Variants in RYR2 observed in about 807,000 individuals in gnomAD.
The protein encoded by RYR2 is cardiac muscle ryanodine receptor-calcium release channel.
RYR2 carries 227 observed loss-of-function variants against 601.1 expected under a neutral mutation model. That is an observed-to-expected ratio of 0.38 (90% confidence interval 0.34 to 0.42). The LOEUF is 0.42. Ranked by LOEUF, RYR2 falls within the 10% of genes least tolerant of loss-of-function variation. RYR2 has a pLI of 1.00. For missense variants in RYR2, 4,646 were observed against 6,156.5 expected (o/e 0.75, Z 8.21); for synonymous variants, 2,223 against 2,175.1 (o/e 1.02, Z -0.61).
chr1:237,652,796 A>C (rs1682894642), intron 51 of RYR2, among the ~76,000 whole-genome samples: 1 of 152,180 alleles, frequency 6.6e-6, no homozygotes, highest in Admixed American at 6.6e-5. Flanking sequence ...CTTTTACATT[A>C]GAGATATGTC....
chr1:237,392,907 A>T lies in RYR2; in HGVS notation c.773+4724A>T, dbSNP rs114752131. Among the ~76,000 whole-genome samples the T allele has an allele frequency of 6.5e-3, 983 of 152,344 alleles. 8 individuals carry two copies. Among genetic ancestry groups the T allele is most frequent in the Middle Eastern group, 0.044 (13 of 294 alleles). ...CTATGATTTTCTGGGTGCTGGGGCT[A>T]TAGTAGTATACACAAAGTTACAAAG... On this transcript the variant is annotated intron_variant, in intron 10 of 104. Transcript: ENST00000366574.
Position 237,639,062 on chromosome 1 carries a change from C to G in RYR2, c.6976C>G (p.Arg2326Gly). ...AAATGTCGTGGTGAGATTGCTCATT[C>G]GGAGGCCTGAGTGTTTTGGTCCTGC... ...NANVVVRLLI[R>G]RPECFGPALR... is the part of the protein sequence containing the mutation. Residue 2326 changes from arginine to glycine, a missense_variant, in exon 46 of 105, where the codon CGG becomes GGG. Around this residue, in one of 17 missense-constraint regions of RYR2, gnomAD observed 137 missense variants for 273.6 expected, o/e 0.50. Coordinates refer to ENST00000366574, the MANE Select transcript of RYR2 (RefSeq NM_001035.3). The G allele has an allele frequency of 6.2e-7, 1 of 1,613,762 alleles. No individual in the cohort carries two copies. Among genetic ancestry groups the G allele is most frequent in the Non-Finnish European group, 8.5e-7 (1 of 1,179,828 alleles).
At chr1:237,749,154 C>T (rs560447211) in intron 80 of RYR2, among the ~76,000 whole-genome samples, 1 of 152,292 alleles carries the variant, frequency 6.6e-6, no homozygotes, top group East Asian at 1.9e-4. Context: ...CATGTGTTGT[C>T]ATTTAAAAAA....
In RYR2 at chr1:237,595,566, A is replaced by G. The variant is rs769604342; in HGVS notation, c.4505A>G (p.Asn1502Ser). 6.2e-7 allele frequency: 1 copy of G among 1,613,714 alleles called. No homozygotes were observed. The highest frequency in any genetic ancestry group is 8.5e-7 in the Non-Finnish European group (1 of 1,179,748). The part of the protein sequence containing the change: ...ESMSPGQGRN[N>S]NGLEIGCVVD... Reference sequence around the variant, plus strand: ...ATGAGCCCCGGGCAAGGACGCAACAATAATGGACTGGAGATTGGCTGTGTG... The same window carrying G: ...ATGAGCCCCGGGCAAGGACGCAACAGTAATGGACTGGAGATTGGCTGTGTG... Residue 1502 changes from asparagine (N) to serine (S), a missense_variant, in exon 34 of 105, where the codon AAT becomes AGT. Physicochemically the swap from Asn to Ser is conservative, Grantham distance 46 (BLOSUM62 1). Coordinates refer to ENST00000366574, the MANE Select transcript of RYR2 (RefSeq NM_001035.3).
intron 17 of RYR2, among the ~76,000 whole-genome samples, chr1:237,491,525 G>T (rs561584927): frequency 6.6e-6 from 1 of 152,132 alleles, no homozygotes; most frequent in Admixed American, 6.5e-5. Context: ...GTGTTGCTTC[G>T]TGTACGCCCT....
intron 1 of RYR2, among the ~76,000 whole-genome samples, chr1:237,117,856 C>T (rs934428237): frequency 6.6e-6 from 1 of 152,132 alleles, no homozygotes; most frequent in Non-Finnish European, 1.5e-5. Context: ...AATGATTCTC[C>T]TGCCTCAGCC....
intron 77 of RYR2, among the ~76,000 whole-genome samples, chr1:237,730,960 A>G (rs548207601): frequency 7.2e-5 from 11 of 152,276 alleles, no homozygotes; most frequent in African/African-American, 2.6e-4. Context: ...TTTACAAGCC[A>G]TCTCAAAACT....
intron 1 of RYR2, among the ~76,000 whole-genome samples, chr1:237,158,161 G>A (rs1675604319): frequency 6.6e-6 from 1 of 152,202 alleles, no homozygotes; most frequent in African/African-American, 2.4e-5. Context: ...GGCATAGAAA[G>A]TACCAAATAA....
At chr1:237,580,048 G>T (rs1320697851) in intron 29 of RYR2, among the ~76,000 whole-genome samples, 1 of 152,004 alleles carries the variant, frequency 6.6e-6, no homozygotes, top group Non-Finnish European at 1.5e-5. Flanking sequence ...CTTGTCTGCT[G>T]AAAGAACTTA....
chr1:237,088,126 AC>A (rs1434976471), intron 1 of RYR2, among the ~76,000 whole-genome samples: 1 of 152,206 alleles, frequency 6.6e-6, no homozygotes, highest in African/African-American at 2.4e-5. Flanking sequence ...TACATGGAAG[AC>A]ATGATACTCC....
At chr1:237,293,967 C>T (rs947563723) in intron 2 of RYR2, among the ~76,000 whole-genome samples, 3 of 152,086 alleles carry the variant, frequency 2.0e-5, no homozygotes, top group African/African-American at 7.2e-5. Context: ...GTTCTGACCC[C>T]CCAGTTGCAT....
At chr1:237,219,614 G>A (rs1410374389) in intron 1 of RYR2, among the ~76,000 whole-genome samples, 2 of 152,288 alleles carry the variant, frequency 1.3e-5, no homozygotes, top group South Asian at 2.1e-4. Context: ...GCTGTGTTGG[G>A]GAGGAATGAG....
chr1:237,208,097 C>G (rs970799875), intron 1 of RYR2, among the ~76,000 whole-genome samples: 3 of 152,184 alleles, frequency 2.0e-5, no homozygotes, highest in South Asian at 2.1e-4. Context: ...CACAAGGGCA[C>G]GTTTGCTCTG....
chr1:237,475,922 A>G (rs544089748), intron 17 of RYR2, among the ~76,000 whole-genome samples: 1 of 110,956 alleles, frequency 9.0e-6, no homozygotes, highest in East Asian at 3.9e-4. Flanking sequence ...TTAATTGAAA[A>G]GACAAAGATT....
chr1:237,537,800 A>T (rs1019398651), intron 25 of RYR2, among the ~76,000 whole-genome samples: 12 of 152,332 alleles, frequency 7.9e-5, no homozygotes, highest in African/African-American at 2.6e-4. Flanking sequence ...CATAAAATAT[A>T]ATTCTACAGA....
At position 237,566,597 on chromosome 1, in the gene RYR2, G is replaced by C; in HGVS notation, c.3245G>C (p.Gly1082Ala). ...AARAEVCSGT[G>A]ERFRIFRAEK... ...AGAGCCGAAGTGTGCAGCGGCACCG[G>C]GGAAAGGTTCCGAATCTTCCGTGCC... Residue 1082 changes from glycine (G) to alanine (A), a missense_variant, in exon 28 of 105, where the codon GGG becomes GCG. Gly to Ala is a moderately conservative substitution (Grantham distance 60). Around this residue, in one of 17 missense-constraint regions of RYR2, gnomAD observed 1,807 missense variants for 2,088.1 expected, o/e 0.87. Coordinates refer to ENST00000366574, the MANE Select transcript of RYR2 (RefSeq NM_001035.3). 6.2e-7 allele frequency: 1 copy of C among 1,613,962 alleles called. No homozygotes were observed.
chr1:237,670,446 T>G (rs1326727074), intron 58 of RYR2, among the ~76,000 whole-genome samples: 2 of 152,186 alleles, frequency 1.3e-5, no homozygotes, highest in Non-Finnish European at 2.9e-5. Flanking sequence ...CATAAATGTT[T>G]GTTAAATGAA....
intron 59 of RYR2, 38 bp downstream of exon 59, chr1:237,674,257 C>T (rs1356674375): frequency 6.7e-7 from 1 of 1,490,646 alleles, no homozygotes; most frequent in East Asian, 2.3e-5. Flanking sequence ...ACTCTTTTCA[C>T]AAGAGTGAAT....
chr1:237,176,571 TA>T (rs1212501272), intron 1 of RYR2, among the ~76,000 whole-genome samples: 18 of 151,510 alleles, frequency 1.2e-4, no homozygotes, highest in Non-Finnish European at 2.5e-4. Context: ...TTTATTTATT[TA>T]TTTATTTTTT....
Sources: gnomAD v4.1 joint callset for allele counts (sites outside exome capture counted in the v4.1 genomes callset) on GRCh38, gnomAD v4.1.1 for gene constraint, gnomAD v4.1.1 regional missense constraint, MANE v1.5 for transcripts, NCBI Gene and HGNC (gene_info 2026-07-23, HGNC 2026-07-21) for gene names.